Variants in ACTR3C observed in about 807,000 individuals in gnomAD.
ACTR3C encodes the protein actin-related protein 3C.
ACTR3C carries 18 observed loss-of-function variants against 26.3 expected under a neutral mutation model. That is an observed-to-expected ratio of 0.68 (90% CI 0.47 to 1.01). The LOEUF (loss-of-function observed/expected upper bound fraction) is 1.01, where lower values mean the gene tolerates loss of function less well. Among genes scored for constraint, ACTR3C ranks in the 50% least tolerant of loss-of-function variants. The pLI is 0.00. For missense variants in ACTR3C, 184 were observed against 250.7 expected (o/e 0.73, Z 1.80); for synonymous variants, 55 against 94.5 (o/e 0.58, Z 2.42).
chr7:150,199,712 A>G, the ACTR3C span, among the ~76,000 whole-genome samples: 1 of 137,446 alleles, frequency 7.3e-6, no homozygotes, highest in South Asian at 2.2e-4. Context: ...TAAATGTCAT[A>G]CAATATTTTT....
At chr7:150,024,392 T>G in the ACTR3C span, among the ~76,000 whole-genome samples, 3 of 151,738 alleles carry the variant, frequency 2.0e-5, no homozygotes, top group Non-Finnish European at 2.9e-5. Context: ...AGGGACTGCG[T>G]GAGCGTGTGG....
At chr7:150,311,303 A>G (rs1164106505) in intron 1 of ACTR3C, among the ~76,000 whole-genome samples, 2 of 152,134 alleles carry the variant, frequency 1.3e-5, no homozygotes, top group Non-Finnish European at 2.9e-5. Flanking sequence ...CAGGCCCACA[A>G]TCTATAGCCT....
chr7:150,224,566 C>G, the ACTR3C span, among the ~76,000 whole-genome samples: 3 of 152,192 alleles, frequency 2.0e-5, no homozygotes, highest in African/African-American at 7.2e-5. Flanking sequence ...AAAAAGAGAA[C>G]TGGAGGACAA....
chr7:150,077,655 AG>A, the ACTR3C span, among the ~76,000 whole-genome samples: 2 of 152,162 alleles, frequency 1.3e-5, no homozygotes, highest in African/African-American at 4.8e-5. Flanking sequence ...CTGGAGGAGA[AG>A]GGGAATTGGC....
At chr7:150,039,194 G>T in the ACTR3C span, among the ~76,000 whole-genome samples, 6 of 147,112 alleles carry the variant, frequency 4.1e-5, no homozygotes, top group East Asian at 6.3e-4. Flanking sequence ...CTCGCGGGGG[G>T]TGCCTCCCAC....
the ACTR3C span, among the ~76,000 whole-genome samples, chr7:150,038,988 G>A: frequency 1.1e-5 from 1 of 95,144 alleles, no homozygotes; most frequent in African/African-American, 4.2e-5. Flanking sequence ...TGCGATCGGG[G>A]TCCTCAGAGC....
chr7:150,134,520 C>T, the ACTR3C span, among the ~76,000 whole-genome samples: 2 of 152,164 alleles, frequency 1.3e-5, no homozygotes, highest in South Asian at 2.1e-4. Context: ...AACATGAACA[C>T]GTGCCCAAAC....
At chr7:150,031,000 T>C in the ACTR3C span, among the ~76,000 whole-genome samples, 1 of 152,130 alleles carries the variant, frequency 6.6e-6, no homozygotes, top group Non-Finnish European at 1.5e-5. Context: ...CTCACACCTG[T>C]AATCCCAACA....
the ACTR3C span, among the ~76,000 whole-genome samples, chr7:150,209,584 C>T: frequency 6.6e-6 from 1 of 150,544 alleles, no homozygotes; most frequent in African/African-American, 2.5e-5. Flanking sequence ...CAAGCATCTT[C>T]AAAAGTCATT....
chr7:150,035,565 C>CT, the ACTR3C span, among the ~76,000 whole-genome samples: 85 of 81,080 alleles, frequency 1.0e-3, 3 homozygotes, highest in African/African-American at 4.1e-3. Flanking sequence ...TCCGCAGAGC[C>CT]GGGGGGGAAG....
chr7:150,039,161 A>T, the ACTR3C span, among the ~76,000 whole-genome samples: 1 of 150,254 alleles, frequency 6.7e-6, no homozygotes, highest in Non-Finnish European at 1.5e-5. Context: ...GTGGGGGAAG[A>T]GGGTCTGGCT....
chr7:150,072,099 C>T, the ACTR3C span, among the ~76,000 whole-genome samples: 35 of 141,680 alleles, frequency 2.5e-4, no homozygotes, highest in African/African-American at 8.6e-4. Context: ...GCGTGTCAGC[C>T]CCACCGAGGA....
At chr7:149,895,869 T>A in the ACTR3C span, among the ~76,000 whole-genome samples, 2 of 151,978 alleles carry the variant, frequency 1.3e-5, no homozygotes, top group African/African-American at 4.8e-5. Context: ...AAAAAATTTT[T>A]AAAATCCTTG....
chr7:150,166,282 A>C, the ACTR3C span, among the ~76,000 whole-genome samples: 1 of 151,102 alleles, frequency 6.6e-6, no homozygotes, highest in Non-Finnish European at 1.5e-5. Context: ...TGATACTTGC[A>C]TGCAACGTGT....
At chr7:150,166,533 TA>T in the ACTR3C span, among the ~76,000 whole-genome samples, 8 of 150,762 alleles carry the variant, frequency 5.3e-5, 1 homozygote, top group Admixed American at 5.2e-4. Flanking sequence ...ACCCCGTCTC[TA>T]CTAAAAATAC....
intron 6 of ACTR3C, among the ~76,000 whole-genome samples, chr7:150,267,791 C>G (rs980287300): frequency 6.6e-6 from 1 of 152,152 alleles, no homozygotes; most frequent in Non-Finnish European, 1.5e-5. Context: ...TATGAAACTT[C>G]GGGAAATCAA....
At chr7:150,263,579 A>G (rs1490490445) in intron 6 of ACTR3C, among the ~76,000 whole-genome samples, 2 of 152,030 alleles carry the variant, frequency 1.3e-5, no homozygotes, top group African/African-American at 4.8e-5. Flanking sequence ...TGAAGAGACT[A>G]TGAAAGGGAA....
the ACTR3C span, among the ~76,000 whole-genome samples, chr7:150,137,264 T>C: frequency 1.3e-5 from 2 of 152,134 alleles, no homozygotes; most frequent in African/African-American, 4.8e-5. Context: ...ACCCTAGGAG[T>C]ACTAAATACC....
the ACTR3C span, among the ~76,000 whole-genome samples, chr7:149,907,473 T>TTCTC: frequency 3.9e-4 from 43 of 109,968 alleles, no homozygotes; most frequent in Middle Eastern, 4.6e-3. Flanking sequence ...CTTGCCTCTC[T>TTCTC]TCTCTTCTCT....
Sources: allele counts gnomAD v4.1 joint callset (sites outside exome capture counted in the v4.1 genomes callset), GRCh38; gene constraint gnomAD v4.1.1; transcripts MANE v1.5; gene names NCBI Gene and HGNC (gene_info 2026-07-23, HGNC 2026-07-21).